LINGO2: variants seen among roughly 807,000 people sequenced by gnomAD.
LINGO2 encodes leucine-rich repeat and immunoglobulin-like domain-containing nogo receptor-interacting protein 2.
LINGO2 carries 14 observed loss-of-function variants against 30.6 expected under a neutral mutation model. The observed-to-expected ratio is 0.46, with a 90% confidence interval of 0.30 to 0.72. The LOEUF (loss-of-function observed/expected upper bound fraction) is 0.72. Among genes scored for constraint, LINGO2 ranks in the 30% least tolerant of loss-of-function variants. The probability of loss-of-function intolerance (pLI) is 0.07; values close to 1 mark genes in which losing one functional copy is unlikely to be tolerated. For synonymous variants in LINGO2, 317 were observed against 288.5 expected, an observed-to-expected ratio of 1.10 and a Z score of -1.00; for missense variants, 729 against 751.7, an observed-to-expected ratio of 0.97 and a Z score of 0.35.
intron 4 of LINGO2, among the ~76,000 whole-genome samples, chr9:28,067,385 T>C (rs1474059741): frequency 6.6e-6 from 1 of 152,130 alleles, no homozygotes; most frequent in Non-Finnish European, 1.5e-5. Context: ...CGGAATTGAA[T>C]GCAATAATAA....
At chr9:29,038,180 T>C in the LINGO2 span, among the ~76,000 whole-genome samples, 2 of 152,104 alleles carry the variant, frequency 1.3e-5, no homozygotes, top group South Asian at 4.1e-4. Flanking sequence ...ATTCAACTTC[T>C]GTAGACAACG....
the LINGO2 span, among the ~76,000 whole-genome samples, chr9:28,875,784 A>T: frequency 1.3e-5 from 2 of 152,148 alleles, no homozygotes; most frequent in African/African-American, 4.8e-5. Flanking sequence ...TATTGACTTT[A>T]CTAACTTTTA....
the LINGO2 span, among the ~76,000 whole-genome samples, chr9:28,917,654 A>G: frequency 6.6e-6 from 1 of 152,074 alleles, no homozygotes; most frequent in South Asian, 2.1e-4. Context: ...AATCCTTTTC[A>G]GTGTCCTGGA....
the LINGO2 span, among the ~76,000 whole-genome samples, chr9:29,092,579 T>TTATGTTTGACTTCTAGA: frequency 2.8e-5 from 4 of 141,604 alleles, no homozygotes; most frequent in African/African-American, 5.3e-5. Context: ...AATGCATTTT[T>TTATGTTTGACTTCTAGA]CCATGTATTA....
intron 1 of LINGO2, among the ~76,000 whole-genome samples, chr9:28,510,963 G>A (rs1345786621): frequency 6.6e-6 from 1 of 152,060 alleles, no homozygotes; most frequent in Non-Finnish European, 1.5e-5. Flanking sequence ...GACTGTGGGT[G>A]TAGGCCAGTC....
intron 5 of LINGO2, among the ~76,000 whole-genome samples, chr9:27,973,470 C>T (rs1352144976): frequency 7.9e-5 from 12 of 152,102 alleles, no homozygotes; most frequent in Admixed American, 2.6e-4. Flanking sequence ...AAGGAATTCA[C>T]GCCTCAAAGG....
the LINGO2 span, among the ~76,000 whole-genome samples, chr9:28,995,035 A>G: frequency 6.6e-6 from 1 of 151,948 alleles, no homozygotes; most frequent in East Asian, 1.9e-4. Flanking sequence ...TAATTAAACT[A>G]AAGAGCTTCT....
intron 1 of LINGO2, among the ~76,000 whole-genome samples, chr9:28,501,098 TA>T (rs1232715222): frequency 2.0e-5 from 3 of 149,458 alleles, no homozygotes; most frequent in African/African-American, 2.6e-5. Flanking sequence ...GCAAAACAAA[TA>T]AAAAAAGATT....
At chr9:28,477,537 G>A (rs889735074) in intron 1 of LINGO2, among the ~76,000 whole-genome samples, 1 of 152,000 alleles carries the variant, frequency 6.6e-6, no homozygotes, top group African/African-American at 2.4e-5. Context: ...CATTTTCTAG[G>A]AAACTGAAAC....
At chr9:29,165,174 C>A in the LINGO2 span, among the ~76,000 whole-genome samples, 1 of 152,040 alleles carries the variant, frequency 6.6e-6, no homozygotes, top group Non-Finnish European at 1.5e-5. Flanking sequence ...AAACTTATAT[C>A]TATATTTGGC....
At chr9:28,910,969 C>CAA in the LINGO2 span, among the ~76,000 whole-genome samples, 4 of 151,876 alleles carry the variant, frequency 2.6e-5, no homozygotes, top group African/African-American at 9.7e-5. Context: ...CTCTTAAAAG[C>CAA]AAAAACAGTT....
chr9:29,197,705 C>T, the LINGO2 span, among the ~76,000 whole-genome samples: 1 of 152,040 alleles, frequency 6.6e-6, no homozygotes, highest in Non-Finnish European at 1.5e-5. Context: ...GGTAAAGTTT[C>T]ACTGTCCTTT....
intron 5 of LINGO2, among the ~76,000 whole-genome samples, chr9:27,980,942 G>A (rs1450130468): frequency 6.6e-6 from 1 of 151,872 alleles, no homozygotes; most frequent in Non-Finnish European, 1.5e-5. Flanking sequence ...CCTATGTGCA[G>A]AACAGAAATT....
the LINGO2 span, among the ~76,000 whole-genome samples, chr9:28,722,667 A>G: frequency 6.6e-6 from 1 of 152,144 alleles, no homozygotes; most frequent in Non-Finnish European, 1.5e-5. Flanking sequence ...AAAATGGAAT[A>G]TTTATTTCTC....
the LINGO2 span, among the ~76,000 whole-genome samples, chr9:28,883,628 G>GTGTGTATGTATGTATATATATATA: frequency 3.1e-5 from 2 of 64,180 alleles, no homozygotes; most frequent in African/African-American, 5.8e-5. Flanking sequence ...ATGTGTGTGT[G>GTGTGTATGTATGTATATATATATA]TATATATATA....
At chr9:28,272,899 A>G (rs951597249) in intron 4 of LINGO2, among the ~76,000 whole-genome samples, 1 of 152,134 alleles carries the variant, frequency 6.6e-6, no homozygotes, top group Non-Finnish European at 1.5e-5. Context: ...TCCTCACCCT[A>G]TAAAATCCCA....
At chr9:27,974,708 C>A (rs1820514175) in intron 5 of LINGO2, among the ~76,000 whole-genome samples, 1 of 151,966 alleles carries the variant, frequency 6.6e-6, no homozygotes, top group Non-Finnish European at 1.5e-5. Flanking sequence ...AAACAGGGAG[C>A]AGGTAATTAA....
chr9:28,262,586 T>C (rs1272003694), intron 4 of LINGO2, among the ~76,000 whole-genome samples: 2 of 151,984 alleles, frequency 1.3e-5, no homozygotes, highest in Admixed American at 6.6e-5. Context: ...TGAATCAGTT[T>C]AAGTTAACAC....
At chr9:29,151,950 T>A in the LINGO2 span, among the ~76,000 whole-genome samples, 27 of 152,238 alleles carry the variant, frequency 1.8e-4, no homozygotes, top group East Asian at 3.7e-3. Context: ...AAAATGTTAA[T>A]AGACCAATAT....
Sources: allele counts gnomAD v4.1 joint callset (sites outside exome capture counted in the v4.1 genomes callset), GRCh38; gene constraint gnomAD v4.1.1; transcripts MANE v1.5; gene names NCBI Gene and HGNC (gene_info 2026-07-23, HGNC 2026-07-21).